SNX24: variants seen among roughly 807,000 people sequenced by gnomAD.
The protein encoded by SNX24 is sorting nexin-24.
SNX24 carries 22 observed loss-of-function variants against 28.7 expected under a neutral mutation model. The ratio of observed to expected loss-of-function variants is 0.77; its 90% CI spans 0.55 to 1.10. The LOEUF (loss-of-function observed/expected upper bound fraction) is 1.10, where lower values mean the gene tolerates loss of function less well. Ranked by LOEUF, SNX24 falls within the 50% of genes least tolerant of loss-of-function variation. The probability of loss-of-function intolerance (pLI) is 0.00; values close to 1 mark genes in which losing one functional copy is unlikely to be tolerated. For synonymous variants in SNX24, 69 were observed against 71.5 expected (o/e 0.96, Z 0.18); for missense variants, 221 against 201.1 (o/e 1.10, Z -0.60).
At chr5:123,021,109 C>CA (rs977209420) in intron 5 of SNX24, among the ~76,000 whole-genome samples, 24 of 150,458 alleles carry the variant, frequency 1.6e-4, no homozygotes, top group Non-Finnish European at 2.5e-4. Flanking sequence ...ACAGTTCCCC[C>CA]CCCGTCCCCA....
chr5:123,004,390 C>G (rs928970548), intron 6 of SNX24, among the ~76,000 whole-genome samples: 7 of 152,192 alleles, frequency 4.6e-5, no homozygotes, highest in Non-Finnish European at 1.0e-4. Flanking sequence ...TCCTTGGCCT[C>G]TCATGGACTT....
chr5:123,022,993 G>A (rs1460226005), intron 5 of SNX24, among the ~76,000 whole-genome samples: 1 of 152,120 alleles, frequency 6.6e-6, no homozygotes, highest in African/African-American at 2.4e-5. Flanking sequence ...TAGAGACAGG[G>A]TCTCACTATG....
intron 3 of SNX24, among the ~76,000 whole-genome samples, chr5:122,958,314 C>G (rs1339215833): frequency 6.6e-6 from 1 of 151,986 alleles, no homozygotes; most frequent in Non-Finnish European, 1.5e-5. Context: ...AATGCAATGG[C>G]ATGGTCTCAG....
intron 1 of SNX24, among the ~76,000 whole-genome samples, chr5:122,918,036 T>C (rs193542): frequency 0.67 from 101,989 of 151,444 alleles, 35,055 homozygotes; most frequent in East Asian, 0.89. Flanking sequence ...GCTGAGATCG[T>C]GCCACTGCAC....
In SNX24 at chr5:122,970,695, C is replaced by T. The variant is rs543695257; in HGVS notation, c.249+24536C>T. Reference sequence around the variant, plus strand: ...GTGTTAGCCAGGATGGCCTCCATCTCCTGACCTCGTGATCCGCCCGTCTTG... The same window carrying T: ...GTGTTAGCCAGGATGGCCTCCATCTTCTGACCTCGTGATCCGCCCGTCTTG... On this transcript the variant is annotated intron_variant, in intron 3 of 6. Coordinates refer to ENST00000261369, the MANE Select transcript of SNX24 (RefSeq NM_014035.4). 1.3e-3 allele frequency among the ~76,000 whole-genome samples: 205 copies of T among 152,294 alleles called. 1 individual carries two copies. The highest frequency in any genetic ancestry group is 4.8e-3 in the African/African-American group (200 of 41,554).
intron 6 of SNX24, among the ~76,000 whole-genome samples, chr5:123,005,508 G>T (rs961806300): frequency 1.3e-5 from 2 of 152,048 alleles, no homozygotes; most frequent in African/African-American, 4.8e-5. Context: ...TGTTACCAGC[G>T]CAGTAGAGTT....
intron 3 of SNX24, among the ~76,000 whole-genome samples, chr5:122,956,182 T>C (rs1336420312): frequency 6.6e-6 from 1 of 152,080 alleles, no homozygotes; most frequent in Non-Finnish European, 1.5e-5. Flanking sequence ...CTTAGTTTAT[T>C]TTCTGCAGCT....
chr5:122,940,620 G>A (rs1021689715), intron 2 of SNX24, among the ~76,000 whole-genome samples: 1 of 152,070 alleles, frequency 6.6e-6, no homozygotes, highest in African/African-American at 2.4e-5. Context: ...CACCCAGGCT[G>A]GAGTGCAGTG....
intron 5 of SNX24, chr5:123,023,804 C>A (rs1328194378): frequency 1.1e-5 from 13 of 1,221,850 alleles, no homozygotes; most frequent in East Asian, 2.6e-5. Context: ...TGAAAGACAA[C>A]ACAACACACA....
chr5:122,968,916 A>G (rs1478721200), intron 3 of SNX24, among the ~76,000 whole-genome samples: 1 of 152,142 alleles, frequency 6.6e-6, no homozygotes, highest in Admixed American at 6.5e-5. Flanking sequence ...GTATCTTGAT[A>G]TCAGGTATAA....
At chr5:123,017,936 A>G (rs1360681625) in intron 5 of SNX24, among the ~76,000 whole-genome samples, 1 of 152,108 alleles carries the variant, frequency 6.6e-6, no homozygotes, top group Non-Finnish European at 1.5e-5. Flanking sequence ...ATATACATTT[A>G]TTCTGAACAT....
chr5:122,943,672 T>C (rs983116837), intron 2 of SNX24, among the ~76,000 whole-genome samples: 3 of 152,118 alleles, frequency 2.0e-5, no homozygotes, highest in African/African-American at 7.2e-5. Context: ...GCCATGTGGC[T>C]CTCTCATCAC....
At position 122,936,734 on chromosome 5, in the gene SNX24, G is replaced by A; in HGVS notation, c.61G>A (p.Val21Met). Reference sequence around the variant, plus strand: ...TTAATCTTTTAAATTTTTTCCTCAGGTGTTTAAGATAGAAGTGCTAATGAA... The same window carrying A: ...TTAATCTTTTAAATTTTTTCCTCAGATGTTTAAGATAGAAGTGCTAATGAA... ...EESDLERGYTVFKIEVLMNGR... is the reference protein window; with the variant it reads ...EESDLERGYTMFKIEVLMNGR... The change falls in exon 2 of 7, where the codon GTG (valine) becomes ATG (methionine). Residue 21 changes from valine (V) to methionine (M), a missense_variant and splice_region_variant. Physicochemically the swap from Val to Met is conservative, Grantham distance 21 (BLOSUM62 1). Transcript: ENST00000261369. 1 of 1,555,368 alleles carries A rather than the reference G, an allele frequency of 6.4e-7. No homozygotes were observed. The highest frequency in any genetic ancestry group is 1.7e-5 in the Admixed American group (1 of 58,796).
intron 3 of SNX24, among the ~76,000 whole-genome samples, chr5:122,976,148 A>G (rs1397232099): frequency 6.6e-6 from 1 of 152,088 alleles, no homozygotes; most frequent in African/African-American, 2.4e-5. Context: ...GATGTCCAAC[A>G]CCTATGGCTG....
intron 1 of SNX24, among the ~76,000 whole-genome samples, chr5:122,889,804 T>G (rs1377214831): frequency 2.0e-5 from 3 of 150,664 alleles, no homozygotes; most frequent in Non-Finnish European, 4.4e-5. Flanking sequence ...GGACAAAAAA[T>G]CTCTTAACAT....
chr5:122,896,122 T>C (rs377038938), intron 1 of SNX24, among the ~76,000 whole-genome samples: 1 of 152,246 alleles, frequency 6.6e-6, no homozygotes, highest in East Asian at 1.9e-4. Flanking sequence ...CACTCCAGCC[T>C]GGGCAACAGA....
At chr5:122,957,171 C>A (rs905047292) in intron 3 of SNX24, among the ~76,000 whole-genome samples, 4 of 152,060 alleles carry the variant, frequency 2.6e-5, no homozygotes, top group African/African-American at 9.7e-5. Context: ...GGCTCTGGAT[C>A]CATTTTGAGT....
At chr5:122,983,333 C>A (rs548416295) in intron 3 of SNX24, among the ~76,000 whole-genome samples, 3 of 151,838 alleles carry the variant, frequency 2.0e-5, no homozygotes, top group Non-Finnish European at 4.4e-5. Flanking sequence ...TAAAAGGCAC[C>A]TTATAATTTC....
chr5:122,931,885 G>C (rs1331726723), intron 1 of SNX24, among the ~76,000 whole-genome samples: 4 of 151,264 alleles, frequency 2.6e-5, no homozygotes, highest in African/African-American at 7.3e-5. Flanking sequence ...TAACGTATGA[G>C]CTTCTGAAAG....
Sources: gnomAD v4.1 joint callset for allele counts (sites outside exome capture counted in the v4.1 genomes callset) on GRCh38, gnomAD v4.1.1 for gene constraint, MANE v1.5 for transcripts, NCBI Gene and HGNC (gene_info 2026-07-23, HGNC 2026-07-21) for gene names.